Variants in PRKCA observed in about 807,000 individuals in gnomAD.
PRKCA encodes protein kinase C alpha type.
In PRKCA, 27 loss-of-function variants were observed where a neutral mutation model predicts 87.0. The ratio of observed to expected loss-of-function variants is 0.31; its 90% CI spans 0.23 to 0.43. The LOEUF (loss-of-function observed/expected upper bound fraction) is 0.43. Ranked by LOEUF, PRKCA falls within the 20% of genes least tolerant of loss-of-function variation. The pLI, the probability that PRKCA is intolerant of heterozygous loss-of-function variation, is 1.00. For synonymous variants in PRKCA, 329 were observed against 311.1 expected, an observed-to-expected ratio of 1.06 and a Z score of -0.61; for missense variants, 518 against 852.3, an observed-to-expected ratio of 0.61 and a Z score of 4.88.
chr17:66,360,866 G>C (rs1338723161), intron 2 of PRKCA, among the ~76,000 whole-genome samples: 1 of 152,212 alleles, frequency 6.6e-6, no homozygotes, highest in Non-Finnish European at 1.5e-5. Flanking sequence ...GAAGTGAAGA[G>C]GGAGGTTTAG....
intron 2 of PRKCA, among the ~76,000 whole-genome samples, chr17:66,318,723 C>T (rs1321039030): frequency 1.3e-5 from 2 of 152,016 alleles, no homozygotes; most frequent in Admixed American, 1.3e-4. Context: ...GGCGTGGTGG[C>T]GGGTGCCTGT....
chr17:66,536,881 G>A (rs530064713), intron 3 of PRKCA, among the ~76,000 whole-genome samples: 1 of 152,182 alleles, frequency 6.6e-6, no homozygotes, highest in African/African-American at 2.4e-5. Context: ...CAGTCCCTGA[G>A]ATGAGTGCTT....
At chr17:66,471,106 C>T (rs146747954) in intron 2 of PRKCA, among the ~76,000 whole-genome samples, 2 of 151,280 alleles carry the variant, frequency 1.3e-5, no homozygotes, top group African/African-American at 2.4e-5. Context: ...AGGACATATT[C>T]TCTCATTCCT....
chr17:66,395,564 A>G (rs1276171043), intron 2 of PRKCA, among the ~76,000 whole-genome samples: 1 of 152,166 alleles, frequency 6.6e-6, no homozygotes, highest in Non-Finnish European at 1.5e-5. Flanking sequence ...GGGCGGTGGT[A>G]CAGGTCCACT....
At chr17:66,722,399 C>A (rs991160163) in intron 8 of PRKCA, among the ~76,000 whole-genome samples, 26 of 152,294 alleles carry the variant, frequency 1.7e-4, no homozygotes, top group Middle Eastern at 3.4e-3. Context: ...TTTGAAAAAA[C>A]CCCTAATAGG....
chr17:66,765,529 T>C (rs1187421644), intron 13 of PRKCA, among the ~76,000 whole-genome samples: 1 of 145,964 alleles, frequency 6.9e-6, no homozygotes, highest in African/African-American at 2.5e-5. Context: ...TGTCTTTATA[T>C]ATATATGTCT....
chr17:66,698,610 T>G (rs1018147338), intron 8 of PRKCA, among the ~76,000 whole-genome samples: 1 of 151,818 alleles, frequency 6.6e-6, no homozygotes, highest in African/African-American at 2.4e-5. Context: ...GGGACAACAT[T>G]AAAAGGGCTA....
chr17:66,798,453 CGGTGGTGGTGGTGGTGGTGGTGGTGGT>C, intron 16 of PRKCA, among the ~76,000 whole-genome samples: 1 of 8,742 alleles, frequency 1.1e-4, no homozygotes, highest in South Asian at 6.3e-3. Flanking sequence ...GTGGTGGTGA[CGGTGGTGGTGGTGGTGGTGGTGGTGGT>C]GGTGGTGACG....
intron 13 of PRKCA, among the ~76,000 whole-genome samples, chr17:66,750,651 C>T (rs560001845): frequency 1.3e-5 from 2 of 152,354 alleles, no homozygotes; most frequent in East Asian, 3.9e-4. Context: ...AGCCTCCCCA[C>T]TTCCAATCCT....
chr17:66,621,637 G>A (rs1970683779), intron 3 of PRKCA, among the ~76,000 whole-genome samples: 1 of 152,146 alleles, frequency 6.6e-6, no homozygotes, highest in Non-Finnish European at 1.5e-5. Context: ...CTTCGTTCAT[G>A]GAGTAGATGC....
At chr17:66,802,314 T>C (rs1324267214) in intron 16 of PRKCA, among the ~76,000 whole-genome samples, 1 of 152,138 alleles carries the variant, frequency 6.6e-6, no homozygotes, top group African/African-American at 2.4e-5. Context: ...CCTCAACAGG[T>C]ACTTAGGAGC....
chr17:66,591,387 G>T (rs558479190), intron 3 of PRKCA, among the ~76,000 whole-genome samples: 10 of 151,622 alleles, frequency 6.6e-5, no homozygotes, highest in African/African-American at 2.2e-4. Flanking sequence ...TTGAACTCCC[G>T]GGCTCAAATG....
rs139553917 is a variant in PRKCA at position 66,543,176 on chromosome 17, C to T, written c.288+46893C>T. Among the ~76,000 whole-genome samples, 1,031 of 152,200 alleles carry T rather than the reference C, an allele frequency of 6.8e-3. 6 individuals carry two copies. Among genetic ancestry groups the T allele is most frequent in the Non-Finnish European group, 9.9e-3 (673 of 68,016 alleles). On this transcript the variant is annotated intron_variant, in intron 3 of 16. Coordinates refer to ENST00000413366, the MANE Select transcript of PRKCA (RefSeq NM_002737.3). ...AATCAACTTATTTTCTTCCGTATGA[C>T]GACAGTTTTCTTCACAGTGAATGGA...
chr17:66,502,933 A>T (rs1194810545), intron 3 of PRKCA, among the ~76,000 whole-genome samples: 1 of 152,164 alleles, frequency 6.6e-6, no homozygotes, highest in Non-Finnish European at 1.5e-5. Flanking sequence ...TGCTGGGATT[A>T]CAGGCATGAG....
At chr17:66,628,107 TTCCAGCAGGCTCAGCAAGCG>T (rs1267911327) in intron 3 of PRKCA, among the ~76,000 whole-genome samples, 1 of 151,850 alleles carries the variant, frequency 6.6e-6, no homozygotes, top group Admixed American at 6.6e-5. Context: ...GGCAAGCTTA[TTCCAGCAGGCTCAGCAAGCG>T]TCCAGCACAA....
intron 3 of PRKCA, among the ~76,000 whole-genome samples, chr17:66,565,894 CG>C (rs1968874977): frequency 6.6e-6 from 1 of 151,926 alleles, no homozygotes; most frequent in African/African-American, 2.4e-5. Flanking sequence ...TTGACTACCC[CG>C]GGAAATCAAA....
intron 3 of PRKCA, among the ~76,000 whole-genome samples, chr17:66,611,402 A>G (rs1162719098): frequency 1.3e-5 from 2 of 152,046 alleles, no homozygotes; most frequent in Admixed American, 1.3e-4. Flanking sequence ...GTCTCTATGG[A>G]TTTGTCTATT....
chr17:66,673,721 A>C (rs1034076752), intron 5 of PRKCA, among the ~76,000 whole-genome samples: 2 of 152,212 alleles, frequency 1.3e-5, no homozygotes, highest in African/African-American at 4.8e-5. Flanking sequence ...ATAATTACCC[A>C]GTCAAAAATT....
rs989733538 is a variant in PRKCA, at chr17:66,804,284, G to A, written c.*247G>A. 1.8e-5 allele frequency: 8 copies of A among 434,688 alleles called. No homozygotes were observed. Among genetic ancestry groups the A allele is most frequent in the Non-Finnish European group, 2.3e-5 (6 of 257,398 alleles). The allele number at this position is 434,688 out of a possible 1,614,324, so 26.9% of individuals were successfully genotyped here. A position where few individuals can be genotyped will look rare whatever the true frequency, so the allele number is the denominator to read the frequency against. ...TCCAGTTTAATTCTGTAGAAGTTAC[G>A]TCTGGCTCTAGGTTAACCCTTCCTA... On this transcript the variant is annotated 3_prime_UTR_variant, in exon 17 of 17. Coordinates refer to ENST00000413366, the MANE Select transcript of PRKCA (RefSeq NM_002737.3).
Sources: allele counts gnomAD v4.1 joint callset (sites outside exome capture counted in the v4.1 genomes callset), GRCh38; gene constraint gnomAD v4.1.1; transcripts MANE v1.5; gene names NCBI Gene and HGNC (gene_info 2026-07-23, HGNC 2026-07-21).